The following TAF4B variants were observed in gnomAD, a reference collection of about 807,000 sequenced individuals.
The protein encoded by TAF4B is TATA-box binding protein associated factor 4b, also known as transcription initiation factor TFIID subunit 4B.
Under a neutral mutation model 86.4 loss-of-function variants are expected in TAF4B, and 38 were observed. That is an observed-to-expected ratio of 0.44 (90% confidence interval 0.34 to 0.58). The LOEUF (loss-of-function observed/expected upper bound fraction) is 0.58, where lower values mean the gene tolerates loss of function less well. Among genes scored for constraint, TAF4B ranks in the 20% least tolerant of loss-of-function variants. The pLI is 0.02. For missense variants in TAF4B, 988 were observed against 1,027.6 expected (o/e 0.96, Z 0.53); for synonymous variants, 388 against 391.2 (o/e 0.99, Z 0.10).
At position 26,311,627 on chromosome 18, in the gene TAF4B, A is replaced by G. The variant is rs569613621; in HGVS notation, c.1833-3602A>G. 2.6e-5 allele frequency among the ~76,000 whole-genome samples: 4 copies of G among 152,320 alleles called. 1 individual carries two copies. The highest frequency in any genetic ancestry group is 9.6e-5 in the African/African-American group (4 of 41,566). On this transcript the variant is annotated intron_variant, in intron 9 of 14. Transcript: ENST00000269142. ...CAAAACGAGACTCAGTCTCAAAGAA[A>G]CAAAAAAACAAGCATAGGAAGTTGA...
At chr18:26,359,115 G>A (rs1022339428) in intron 14 of TAF4B, among the ~76,000 whole-genome samples, 32 of 152,178 alleles carry the variant, frequency 2.1e-4, no homozygotes, top group Admixed American at 1.2e-3. Context: ...TTTGTTTTTA[G>A]TTAAATATGA....
At chr18:26,370,888 G>A (rs1309373268) in intron 14 of TAF4B, among the ~76,000 whole-genome samples, 1 of 152,198 alleles carries the variant, frequency 6.6e-6, no homozygotes, top group East Asian at 1.9e-4. Flanking sequence ...AATTGAGATA[G>A]ATGATAGAAC....
At chr18:26,258,706 T>G (rs1225726705) in intron 1 of TAF4B, among the ~76,000 whole-genome samples, 2 of 151,978 alleles carry the variant, frequency 1.3e-5, no homozygotes, top group Non-Finnish European at 2.9e-5. Context: ...AAAAAAAAAT[T>G]TTTTTTAGAG....
At chr18:26,272,113 C>A (rs749135367) in intron 3 of TAF4B, among the ~76,000 whole-genome samples, 1 of 152,080 alleles carries the variant, frequency 6.6e-6, no homozygotes, top group Non-Finnish European at 1.5e-5. Context: ...AGGGCCTGAT[C>A]TTCCTGAGGC....
chr18:26,310,388 AT>A (rs2056841089), intron 9 of TAF4B, among the ~76,000 whole-genome samples: 1 of 152,164 alleles, frequency 6.6e-6, no homozygotes, highest in African/African-American at 2.4e-5. Flanking sequence ...TAAAAACACT[AT>A]TGCTTGAGAA....
intron 7 of TAF4B, among the ~76,000 whole-genome samples, chr18:26,291,998 G>A (rs2056599623): frequency 6.6e-6 from 1 of 151,978 alleles, no homozygotes; most frequent in South Asian, 2.1e-4. Flanking sequence ...GGATTTATAG[G>A]GAGATTTAAA....
chr18:26,274,133 A>G (rs1458604088), intron 3 of TAF4B, among the ~76,000 whole-genome samples: 2 of 152,238 alleles, frequency 1.3e-5, no homozygotes, highest in Non-Finnish European at 2.9e-5. Context: ...AATTCTTTTC[A>G]GTGTGAATAT....
intron 5 of TAF4B, among the ~76,000 whole-genome samples, chr18:26,275,591 T>C (rs1484633783): frequency 6.6e-6 from 1 of 152,258 alleles, no homozygotes; most frequent in African/African-American, 2.4e-5. Context: ...AAAAATTGTA[T>C]ATGTTTAAGG....
intron 1 of TAF4B, among the ~76,000 whole-genome samples, chr18:26,237,126 G>A (rs971865901): frequency 6.6e-6 from 1 of 152,104 alleles, no homozygotes; most frequent in African/African-American, 2.4e-5. Context: ...GTCCCAGTGG[G>A]GATCCGTACT....
At chr18:26,376,556 T>C (rs2057444593) in intron 14 of TAF4B, among the ~76,000 whole-genome samples, 1 of 152,030 alleles carries the variant, frequency 6.6e-6, no homozygotes, top group Admixed American at 6.6e-5. Context: ...GCTGAACTTG[T>C]TTATTAGTTC....
intron 9 of TAF4B, among the ~76,000 whole-genome samples, chr18:26,310,733 G>C (rs1451230082): frequency 6.6e-6 from 1 of 152,112 alleles, no homozygotes; most frequent in Non-Finnish European, 1.5e-5. Flanking sequence ...AAAAGTAAGG[G>C]TTCCCCTGAC....
At chr18:26,389,817 A>C in intron 14 of TAF4B, 28 bp from the exon 15 acceptor site, 1 of 1,598,144 alleles carries the variant, frequency 6.3e-7, no homozygotes, top group Non-Finnish European at 8.5e-7. Flanking sequence ...TTTTTATTTC[A>C]AATTGCTTTT....
intron 1 of TAF4B, among the ~76,000 whole-genome samples, chr18:26,243,825 C>T (rs2055880142): frequency 6.6e-6 from 1 of 152,190 alleles, no homozygotes; most frequent in Non-Finnish European, 1.5e-5. Context: ...AGCTGCAGGT[C>T]TGTTGGAGTT....
chr18:26,339,327 TTTTTTG>T (rs1035062368), intron 13 of TAF4B, among the ~76,000 whole-genome samples: 4 of 152,172 alleles, frequency 2.6e-5, no homozygotes, highest in Non-Finnish European at 5.9e-5. Flanking sequence ...TTAGTTGGTT[TTTTTTG>T]TTTTTGTTTT....
At chr18:26,377,402 A>G (rs141422523) in intron 14 of TAF4B, among the ~76,000 whole-genome samples, 2 of 152,260 alleles carry the variant, frequency 1.3e-5, no homozygotes, top group Non-Finnish European at 2.9e-5. Context: ...CACTAGGCAT[A>G]TATGTGGTCT....
At chr18:26,234,083 A>T (rs568472917) in intron 1 of TAF4B, among the ~76,000 whole-genome samples, 6 of 152,198 alleles carry the variant, frequency 3.9e-5, no homozygotes, top group African/African-American at 1.4e-4. Context: ...TTCTGTTGTT[A>T]ACCACCCCGA....
intron 13 of TAF4B, among the ~76,000 whole-genome samples, chr18:26,355,584 C>A (rs530196134): frequency 3.8e-4 from 58 of 152,190 alleles, no homozygotes; most frequent in Admixed American, 3.3e-3. Context: ...GTGAAATTTT[C>A]TAAAATTTTG....
intron 13 of TAF4B, among the ~76,000 whole-genome samples, chr18:26,336,293 A>G (rs552586581): frequency 6.6e-6 from 1 of 152,184 alleles, no homozygotes; most frequent in African/African-American, 2.4e-5. Flanking sequence ...CTCTTGAACT[A>G]TGAAATTTGT....
At chr18:26,361,862 T>G (rs2057334847) in intron 14 of TAF4B, among the ~76,000 whole-genome samples, 1 of 152,150 alleles carries the variant, frequency 6.6e-6, no homozygotes, top group South Asian at 2.1e-4. Context: ...TCTTTGTTTT[T>G]GGTCCATTTG....
Sources: allele counts gnomAD v4.1 joint callset (sites outside exome capture counted in the v4.1 genomes callset), GRCh38; gene constraint gnomAD v4.1.1; transcripts MANE v1.5; gene names NCBI Gene and HGNC (gene_info 2026-07-23, HGNC 2026-07-21).